Variants in THSD4 observed in about 807,000 individuals in gnomAD.
The protein encoded by THSD4 is thrombospondin type 1 domain containing 4.
THSD4 carries 69 observed loss-of-function variants against 119.0 expected under a neutral mutation model. The observed-to-expected ratio is 0.58, with a 90% CI of 0.48 to 0.71. THSD4 has a LOEUF of 0.71. THSD4 is among the 30% of genes least tolerant of loss of function. The probability of loss-of-function intolerance (pLI) is 0.00; values close to 1 mark genes in which losing one functional copy is unlikely to be tolerated. For missense variants in THSD4, 1,393 were observed against 1,391.1 expected, an observed-to-expected ratio of 1.00 and a Z score of -0.02; for synonymous variants, 524 against 540.4, an observed-to-expected ratio of 0.97 and a Z score of 0.42.
chr15:71,239,406 A>G (rs1291004604), intron 4 of THSD4, among the ~76,000 whole-genome samples: 2 of 152,168 alleles, frequency 1.3e-5, no homozygotes, highest in Non-Finnish European at 2.9e-5. Flanking sequence ...AGGCATACAA[A>G]GATTGGGTAA....
intron 3 of THSD4, among the ~76,000 whole-genome samples, chr15:71,162,340 C>G (rs774322386): frequency 6.6e-6 from 1 of 151,938 alleles, no homozygotes; most frequent in Non-Finnish European, 1.5e-5. Context: ...TCAGTTTTTG[C>G]TTGTCTGGGA....
At chr15:71,627,639 G>A (rs976950828) in intron 7 of THSD4, among the ~76,000 whole-genome samples, 1 of 152,104 alleles carries the variant, frequency 6.6e-6, no homozygotes. Context: ...ATGACAGTAG[G>A]GGAAAAATAT....
At chr15:71,196,900 G>A (rs1400985109) in intron 3 of THSD4, among the ~76,000 whole-genome samples, 1 of 152,140 alleles carries the variant, frequency 6.6e-6, no homozygotes, top group Non-Finnish European at 1.5e-5. Flanking sequence ...GTTGGTTCCA[G>A]GTGGATTGTC....
At chr15:71,716,581 TTG>T (rs1567116005) in intron 8 of THSD4, among the ~76,000 whole-genome samples, 11 of 43,306 alleles carry the variant, frequency 2.5e-4, no homozygotes, top group South Asian at 2.0e-3. Context: ...TGTGTGTGTG[TTG>T]GTTTTTGTTT....
chr15:71,131,825 A>G (rs533218652), intron 1 of THSD4, among the ~76,000 whole-genome samples: 3 of 152,250 alleles, frequency 2.0e-5, no homozygotes, highest in Admixed American at 2.0e-4. Flanking sequence ...TCAGTCCTCT[A>G]TGCCTTCTCT....
At chr15:71,719,207 C>A (rs919314154) in intron 8 of THSD4, among the ~76,000 whole-genome samples, 1 of 152,156 alleles carries the variant, frequency 6.6e-6, no homozygotes, top group East Asian at 1.9e-4. Context: ...CACTTCCCTT[C>A]GTTCAAACCC....
chr15:71,260,827 G>A (rs2044387616), intron 6 of THSD4, among the ~76,000 whole-genome samples: 1 of 152,198 alleles, frequency 6.6e-6, no homozygotes, highest in South Asian at 2.1e-4. Context: ...TAGGCCAGGT[G>A]CGGTGGCTCA....
Position 71,269,706 on chromosome 15 carries a change from G to A in THSD4, c.1015+12991G>A, listed in dbSNP as rs141498207. ...GATTGTATATTTAGAAAACCCCATCGTCTTAACCCCAAATCTCCTTAAGCT... is the reference window on the plus strand; with the variant it reads ...GATTGTATATTTAGAAAACCCCATCATCTTAACCCCAAATCTCCTTAAGCT... On this transcript the variant is annotated intron_variant, in intron 6 of 17. Coordinates refer to ENST00000261862, the MANE Select transcript of THSD4 (RefSeq NM_024817.3). 3.1e-3 allele frequency among the ~76,000 whole-genome samples: 474 copies of A among 152,198 alleles called. 3 individuals are homozygous for A. The highest frequency in any genetic ancestry group is 0.01 in the African/African-American group (424 of 41,536).
chr15:71,238,486 C>T (rs1401605801), intron 4 of THSD4, among the ~76,000 whole-genome samples: 1 of 152,186 alleles, frequency 6.6e-6, no homozygotes, highest in Non-Finnish European at 1.5e-5. Context: ...CCCTCTCTCC[C>T]CAATCCCTGG....
At position 71,527,573 on chromosome 15, in the gene THSD4, G is replaced by A. The variant is rs150280143; in HGVS notation, c.1152+115750G>A. On this transcript the variant is annotated intron_variant, in intron 7 of 17. Transcript: ENST00000261862. ...CACTGATCCATTCCCGACATCATCA[G>A]TTAGGTTCTGACACACATACACACA... Among the ~76,000 whole-genome samples, 933 of 152,124 alleles carry A rather than the reference G, an allele frequency of 6.1e-3. 10 individuals carry two copies. Among genetic ancestry groups the A allele is most frequent in the African/African-American group, 0.022 (897 of 41,508 alleles).
At chr15:71,209,976 T>C (rs2043876063) in intron 3 of THSD4, among the ~76,000 whole-genome samples, 2 of 152,252 alleles carry the variant, frequency 1.3e-5, no homozygotes, top group African/African-American at 4.8e-5. Flanking sequence ...TGTGGAACTG[T>C]GAATCCAGTA....
chr15:71,150,215 G>T (rs958391103), intron 2 of THSD4, among the ~76,000 whole-genome samples: 1 of 152,196 alleles, frequency 6.6e-6, no homozygotes, highest in Non-Finnish European at 1.5e-5. Flanking sequence ...CACACACAGA[G>T]ACACATGCAT....
chr15:71,499,153 CA>C (rs1431555468), intron 7 of THSD4, among the ~76,000 whole-genome samples: 2 of 152,106 alleles, frequency 1.3e-5, no homozygotes, highest in Non-Finnish European at 2.9e-5. Flanking sequence ...TTTCCAAAGA[CA>C]AACCCTTCAC....
intron 1 of THSD4, among the ~76,000 whole-genome samples, chr15:71,106,336 C>A (rs2040274078): frequency 6.6e-6 from 1 of 152,160 alleles, no homozygotes; most frequent in Non-Finnish European, 1.5e-5. Context: ...GTATTCTCCA[C>A]TCCCAGAGCC....
At chr15:71,449,862 C>T (rs1010202276) in intron 7 of THSD4, among the ~76,000 whole-genome samples, 2 of 152,166 alleles carry the variant, frequency 1.3e-5, no homozygotes, top group African/African-American at 4.8e-5. Flanking sequence ...AATTGTTATC[C>T]ACCTAGTTCC....
At chr15:71,199,916 GGTGTGTGT>G (rs148622409) in intron 3 of THSD4, among the ~76,000 whole-genome samples, 3 of 116,050 alleles carry the variant, frequency 2.6e-5, no homozygotes, top group South Asian at 5.4e-4. Flanking sequence ...GCATGTGTGG[GGTGTGTGT>G]GTGTGTGTGT....
At chr15:71,482,466 A>G (rs2047747942) in intron 7 of THSD4, among the ~76,000 whole-genome samples, 1 of 150,152 alleles carries the variant, frequency 6.7e-6, no homozygotes, top group Non-Finnish European at 1.5e-5. Context: ...AATTTTTTGT[A>G]TTTTTAGTAG....
At chr15:71,674,267 C>T (rs1161780220) in intron 8 of THSD4, among the ~76,000 whole-genome samples, 1 of 152,210 alleles carries the variant, frequency 6.6e-6, no homozygotes, top group Non-Finnish European at 1.5e-5. Context: ...CAGTCCAGCT[C>T]TGCCCATTGA....
chr15:71,616,220 C>G (rs1234295904), intron 7 of THSD4, among the ~76,000 whole-genome samples: 3 of 152,052 alleles, frequency 2.0e-5, no homozygotes, highest in Non-Finnish European at 4.4e-5. Flanking sequence ...CTGAAATTCA[C>G]CTAAAAATGG....
Sources: gnomAD v4.1 joint callset for allele counts (sites outside exome capture counted in the v4.1 genomes callset) on GRCh38, gnomAD v4.1.1 for gene constraint, MANE v1.5 for transcripts, NCBI Gene and HGNC (gene_info 2026-07-23, HGNC 2026-07-21) for gene names.